TSGA13: variants seen among roughly 807,000 people sequenced by gnomAD.
TSGA13 encodes testis-specific gene 13 protein.
TSGA13 carries 37 observed loss-of-function variants against 35.1 expected under a neutral mutation model. The ratio of observed to expected loss-of-function variants is 1.05; its 90% CI spans 0.81 to 1.39. TSGA13 has a LOEUF of 1.39. Ranked by LOEUF, TSGA13 falls within the 40% of genes most tolerant of loss-of-function variation. The pLI is 0.00. For missense variants in TSGA13, 338 were observed against 328.5 expected (o/e 1.03, Z -0.22); for synonymous variants, 124 against 121.2 (o/e 1.02, Z -0.15).
Position 130,668,796 on chromosome 7 carries a change from G to C in TSGA13, c.*218C>G. 7.7e-7 allele frequency: 1 copy of C among 1,301,358 alleles called. No individual in the cohort carries two copies. Among genetic ancestry groups the C allele is most frequent in the East Asian group, 3.0e-5 (1 of 33,628 alleles). 80.6% of individuals were successfully genotyped at this position (1,301,358 alleles called of 1,614,324 possible). ...GGTTGGGCCGCCGCGCCTTCACTCG[G>C]GGCCAAGGCCCGCCCTCCCCGGCCG... On this transcript the variant is annotated 3_prime_UTR_variant, in exon 8 of 8. Coordinates refer to ENST00000356588, the MANE Select transcript of TSGA13 (RefSeq NM_052933.4).
At chr7:130,673,027 T>G (rs1796318194) in intron 5 of TSGA13, 151 bp from the exon 6 acceptor site, 1 of 889,598 alleles carries the variant, frequency 1.1e-6, no homozygotes, top group Non-Finnish European at 1.6e-6. Flanking sequence ...GAAACCAGAA[T>G]CAGAGGAAGC....
Position 130,669,187 on chromosome 7 carries a change from C to G in TSGA13, c.659-4G>C. On this transcript the variant is annotated splice_region_variant and splice_polypyrimidine_tract_variant and intron_variant, in intron 7 of 7. Transcript: ENST00000356588. ...TCACTCGCTGACTTCTTGGAAGCTA[C>G]GACAAAGCACAGGCACCCTGGTGAA... The G allele has an allele frequency of 6.2e-7, 1 of 1,614,100 alleles. No homozygotes were observed. The highest frequency in any genetic ancestry group is 8.5e-7 in the Non-Finnish European group (1 of 1,180,004).
In TSGA13 at chr7:130,685,334, GT is replaced by G; in HGVS notation, c.-125del. On this transcript the variant is annotated 5_prime_UTR_variant, in exon 2 of 8. It introduces an in-frame stop codon into an upstream open reading frame of the 5' UTR. Coordinates refer to ENST00000356588, the MANE Select transcript of TSGA13 (RefSeq NM_052933.4). The stretch of plus-strand genomic sequence containing the variant: ...CCAAATATTCTTTCCTTAGCACACA[GT>G]GTGTACTCATGCCCCATTCTTGAGC... 2 of 1,551,242 alleles carry G rather than the reference GT, an allele frequency of 1.3e-6. No individual in the cohort carries two copies. Among genetic ancestry groups the G allele is most frequent in the Non-Finnish European group, 1.8e-6 (2 of 1,136,612 alleles).
At chr7:130,669,213 T>A in intron 7 of TSGA13, 30 bp from the exon 8 acceptor site, 2 of 1,613,848 alleles carry the variant, frequency 1.2e-6, no homozygotes, top group Non-Finnish European at 1.7e-6. Context: ...CCCTGGTGAA[T>A]GTGGCTTTTC....
rs782488440 is a variant in TSGA13, at chr7:130,680,951, T to G, written c.169A>C (p.Asn57His). 6.2e-7 allele frequency: 1 copy of G among 1,613,850 alleles called. No individual in the cohort carries two copies. Among genetic ancestry groups the G allele is most frequent in the Non-Finnish European group, 8.5e-7 (1 of 1,179,990 alleles). The change falls in exon 4 of 8, where the codon AAT becomes CAT. Residue 57 changes from asparagine (N) to histidine (H), a missense_variant. Coordinates refer to ENST00000356588, the MANE Select transcript of TSGA13 (RefSeq NM_052933.4). ...GGAATGCTTTCTCTACCTACCAAAT[T>G]TGGATGGACTGTGTAATGCCGAAGG... ...ENLRHYTVHP[N>H]LAQYYKPLKA...
At chr7:130,684,670 C>T (rs898349841) in intron 2 of TSGA13, among the ~76,000 whole-genome samples, 3 of 152,184 alleles carry the variant, frequency 2.0e-5, no homozygotes, top group African/African-American at 7.2e-5. Flanking sequence ...TCAAGCATAG[C>T]TACCTTCCAT....
At position 130,685,256 on chromosome 7, in the gene TSGA13, A is replaced by G. The variant is rs781820491; in HGVS notation, c.-46T>C. On this transcript the variant is annotated 5_prime_UTR_variant, in exon 2 of 8. Transcript: ENST00000356588. Reference sequence around the variant, plus strand: ...CCAACCCAAGGCAGGTATTCACCCAAGGCCAAATTCAGGTCTCTAAATAGT... The same window carrying G: ...CCAACCCAAGGCAGGTATTCACCCAGGGCCAAATTCAGGTCTCTAAATAGT... The G allele has an allele frequency of 5.6e-6, 9 of 1,611,192 alleles. No individual in the cohort carries two copies. Among genetic ancestry groups the G allele is most frequent in the Non-Finnish European group, 7.6e-6 (9 of 1,177,462 alleles).
intron 4 of TSGA13, among the ~76,000 whole-genome samples, chr7:130,680,722 G>A (rs1796524811): frequency 6.6e-6 from 1 of 151,936 alleles, no homozygotes; most frequent in African/African-American, 2.4e-5. Flanking sequence ...TCAGCTGTGG[G>A]GACCCACTTT....
rs1796162686 is a variant in TSGA13, at chr7:130,668,730, C to CG, written c.*283dup. On this transcript the variant is annotated 3_prime_UTR_variant, in exon 8 of 8. Transcript: ENST00000356588. ...CGTCCCAGGCGCCGCAGCCGGCGAG[C>CG]GGAAGAGGCTGCAGGAAGGCCGGCC... is the stretch of plus-strand genomic sequence containing the variant. The CG allele has an allele frequency of 6.7e-7, 1 of 1,492,244 alleles. No homozygotes were observed. The highest frequency in any genetic ancestry group is 2.2e-5 in the Admixed American group (1 of 44,474). 92.4% of individuals were successfully genotyped at this position (1,492,244 alleles called of 1,614,324 possible). A position where few individuals can be genotyped will look rare whatever the true frequency, so the allele number is the denominator to read the frequency against.
In TSGA13 at chr7:130,675,642, C is replaced by A. The variant is rs1796396865; in HGVS notation, c.388-2766G>T. Reference sequence around the variant, plus strand: ...TCGTGATCTGCCTGCCTCGGCCTCCCAAAGTGCTGGGCTTACAGGCGTGAG... The same window carrying A: ...TCGTGATCTGCCTGCCTCGGCCTCCAAAAGTGCTGGGCTTACAGGCGTGAG... On this transcript the variant is annotated intron_variant, in intron 5 of 7. Transcript: ENST00000356588. Among the ~76,000 whole-genome samples, 3 of 152,224 alleles carry A rather than the reference C, an allele frequency of 2.0e-5. No homozygotes were observed. The South Asian group carries it at 6.2e-4, about 32-fold the overall frequency.
upstream of TSGA13, chr7:130,686,724 AC>A (rs1796666743): frequency 6.6e-6 from 1 of 152,002 alleles, no homozygotes; most frequent in Non-Finnish European, 1.5e-5. Context: ...ACACACACAC[AC>A]ACACACACAC....
At position 130,683,709 on chromosome 7, in the gene TSGA13, G is replaced by T. The variant is rs369866363; in HGVS notation, c.24-37C>A. The stretch of plus-strand genomic sequence containing the variant: ...GCAGAACATCCGGTTGCACTTTCTG[G>T]CTCAGAGGCCTGGACTTCTGCATAT... On this transcript the variant is annotated intron_variant, in intron 2 of 7. Coordinates refer to ENST00000356588, the MANE Select transcript of TSGA13 (RefSeq NM_052933.4). The T allele has an allele frequency of 9.2e-5, 147 of 1,594,122 alleles. No homozygotes were observed. In the African/African-American group the frequency reaches 1.7e-3, roughly 18 times the overall value.
chr7:130,670,546 T>C (rs1185111189), intron 7 of TSGA13, among the ~76,000 whole-genome samples: 13 of 152,222 alleles, frequency 8.5e-5, no homozygotes, highest in Admixed American at 7.2e-4. Context: ...GGGTCCAAAC[T>C]GCCTACTGGA....
chr7:130,671,265 A>G lies in TSGA13; in HGVS notation c.658+396T>C, dbSNP rs556969589. The stretch of plus-strand genomic sequence containing the variant: ...AAAATTTCATTATTATAAATTTGAT[A>G]TAAGTGTTTCAGAAAAGCATATAAT... On this transcript the variant is annotated intron_variant, in intron 7 of 7. Transcript: ENST00000356588. Among the ~76,000 whole-genome samples, 7 of 152,356 alleles carry G rather than the reference A, an allele frequency of 4.6e-5. No homozygotes were observed. The East Asian group carries it at 5.8e-4, about 13-fold the overall frequency.
chr7:130,677,833 A>G (rs1273610601), intron 5 of TSGA13, among the ~76,000 whole-genome samples: 1 of 152,048 alleles, frequency 6.6e-6, no homozygotes, highest in Non-Finnish European at 1.5e-5. Flanking sequence ...GTCATGGGTC[A>G]CTTCCCTACT....
chr7:130,684,941 A>G (rs1796627745), intron 2 of TSGA13, among the ~76,000 whole-genome samples: 2 of 152,326 alleles, frequency 1.3e-5, no homozygotes, highest in Admixed American at 1.3e-4. Flanking sequence ...AAGGCATAGA[A>G]CTATATGAAA....
chr7:130,674,516 A>G (rs551615029), intron 5 of TSGA13, among the ~76,000 whole-genome samples: 22 of 152,076 alleles, frequency 1.4e-4, no homozygotes, highest in South Asian at 1.0e-3. Context: ...CACATCCATC[A>G]CATTCCATCT....
In TSGA13 at chr7:130,668,820, C is replaced by T. The variant is rs1210848551; in HGVS notation, c.*194G>A. ...GGGGCCAAGGCCCGCCCTCCCCGGC[C>T]GCCCTCGGCCCCCGGGACGCAGCCA... On this transcript the variant is annotated 3_prime_UTR_variant, in exon 8 of 8. Transcript: ENST00000356588. 4 of 1,270,432 alleles carry T rather than the reference C, an allele frequency of 3.1e-6. No homozygotes were observed. The highest frequency in any genetic ancestry group is 3.2e-5 in the African/African-American group (2 of 63,292). The allele number at this position is 1,270,432 out of a possible 1,614,324, so 78.7% of individuals were successfully genotyped here.
At chr7:130,683,731 AT>A (rs1796599045) in intron 2 of TSGA13, 59 bp from the exon 3 acceptor site, 1 of 1,496,846 alleles carries the variant, frequency 6.7e-7, no homozygotes. Flanking sequence ...GGACTTCTGC[AT>A]ATTGTCAGTC....
Sources: allele counts gnomAD v4.1 joint callset (sites outside exome capture counted in the v4.1 genomes callset), GRCh38; gene constraint gnomAD v4.1.1; transcripts MANE v1.5; gene names NCBI Gene and HGNC (gene_info 2026-07-23, HGNC 2026-07-21).